Variants in COL6A1 observed in about 807,000 individuals in gnomAD.
The protein encoded by COL6A1 is collagen type VI alpha 1 chain, also known as collagen alpha-1(VI) chain.
Under a neutral mutation model 145.6 loss-of-function variants are expected in COL6A1, and 80 were observed. The ratio of observed to expected loss-of-function variants is 0.55; its 90% CI spans 0.46 to 0.66. The LOEUF (loss-of-function observed/expected upper bound fraction) is 0.66. Ranked by LOEUF, COL6A1 falls within the 30% of genes least tolerant of loss-of-function variation. The probability of loss-of-function intolerance (pLI) is 0.00; values close to 1 mark genes in which losing one functional copy is unlikely to be tolerated. For synonymous variants in COL6A1, 638 were observed against 622.8 expected, an observed-to-expected ratio of 1.02 and a Z score of -0.36; for missense variants, 1,364 against 1,473.8, an observed-to-expected ratio of 0.93 and a Z score of 1.22.
In COL6A1 at chr21:46,003,879, G is replaced by T; in HGVS notation, c.2953G>T (p.Val985Phe). 1 of 1,601,594 alleles carries T rather than the reference G, an allele frequency of 6.2e-7. No individual in the cohort carries two copies. The highest frequency in any genetic ancestry group is 1.1e-5 in the South Asian group (1 of 90,346). ...CCAGGTGAATGAGCCCCACATCCGC[G>T]TCCTGGTCACCGGCAAGACGGCCGA... ...GRQVNEPHIR[V>F]LVTGKTAEYD... is the part of the protein sequence containing the mutation. Residue 985 changes from valine (V) to phenylalanine (F), a missense_variant, in exon 35 of 35, where the codon GTC (valine) becomes TTC (phenylalanine). Val to Phe is a conservative substitution (Grantham distance 50, BLOSUM62 -1). Transcript: ENST00000361866.
chr21:46,003,299 C>T lies in COL6A1; in HGVS notation c.2465-92C>T, dbSNP rs1192558144. Reference sequence around the variant, plus strand: ...GGTGGCTGAGCACCACCGTGCCGTGCCCTCTCTGGGGAGCTTAGACGCTCT... The same window carrying T: ...GGTGGCTGAGCACCACCGTGCCGTGTCCTCTCTGGGGAGCTTAGACGCTCT... On this transcript the variant is annotated intron_variant, in intron 34 of 34. Transcript: ENST00000361866. 5 of 1,602,778 alleles carry T rather than the reference C, an allele frequency of 3.1e-6. No homozygotes were observed. The African/African-American group carries it at 5.3e-5, about 17-fold the overall frequency.
intron 15 of COL6A1, among the ~76,000 whole-genome samples, chr21:45,991,306 CT>C (rs2077775781): frequency 6.6e-6 from 1 of 152,246 alleles, no homozygotes; most frequent in Non-Finnish European, 1.5e-5. Flanking sequence ...TCCCCCGCAC[CT>C]GCCGCTCGCT....
rs764488809 is a variant in COL6A1, at chr21:45,990,291, G to A, written c.957+7G>A. The A allele has an allele frequency of 8.1e-6, 13 of 1,612,678 alleles. No individual in the cohort carries two copies. The highest frequency in any genetic ancestry group is 5.0e-5 in the Admixed American group (3 of 59,994). On this transcript the variant is annotated splice_region_variant and intron_variant, in intron 12 of 34. Coordinates refer to ENST00000361866, the MANE Select transcript of COL6A1 (RefSeq NM_001848.3). ...GGGACCCAAGGGCTACAAGGTGAGCGTGGGCTGCTGGGAGGGGGGAGTTCT... is the reference window on the plus strand; with the variant it reads ...GGGACCCAAGGGCTACAAGGTGAGCATGGGCTGCTGGGAGGGGGGAGTTCT...
chr21:45,992,742 A>G lies in COL6A1; in HGVS notation c.1273-6A>G, dbSNP rs2123475443. On this transcript the variant is annotated splice_polypyrimidine_tract_variant and splice_region_variant and intron_variant, in intron 18 of 34. Transcript: ENST00000361866. ...AGGCTTCTCCCCTCCATGTCTCTCC[A>G]CTCAGGGTGGCCCTGGAGAGAGAGG... 1 of 1,586,586 alleles carries G rather than the reference A, an allele frequency of 6.3e-7. No homozygotes were observed. Among genetic ancestry groups the G allele is most frequent in the Admixed American group, 1.8e-5 (1 of 56,220 alleles).
intron 27 of COL6A1, 121 bp downstream of exon 27, chr21:45,999,813 AAG>A (rs2077828185): frequency 2.5e-6 from 2 of 791,932 alleles, no homozygotes; most frequent in Non-Finnish European, 3.8e-6. Flanking sequence ...GTTGTGGACA[AAG>A]AGCTGGTGCC....
rs375638855 is a variant in COL6A1 at position 45,990,369 on chromosome 21, G to T, written c.958-9G>T. The T allele has an allele frequency of 6.2e-7, 1 of 1,608,674 alleles. No individual in the cohort carries two copies. The stretch of plus-strand genomic sequence containing the variant: ...ATCTGACTCCTGCCTTCGTTTTCCC[G>T]CCTCACAGGGAGAGAAGGGCAAGCG... On this transcript the variant is annotated splice_polypyrimidine_tract_variant and intron_variant, in intron 12 of 34. Coordinates refer to ENST00000361866, the MANE Select transcript of COL6A1 (RefSeq NM_001848.3).
At chr21:45,990,568 G>A (rs1473919249) in intron 13 of COL6A1, 146 bp downstream of exon 13, 23 of 749,362 alleles carry the variant, frequency 3.1e-5, no homozygotes, top group East Asian at 1.1e-4. Context: ...GGGGAGGGAC[G>A]GGGAGGGATG....
chr21:46,000,873 C>T, intron 29 of COL6A1, 106 bp downstream of exon 29: 1 of 1,383,668 alleles, frequency 7.2e-7, no homozygotes. Context: ...CTGGTCCCCG[C>T]CCGCAGCTCC....
rs183827979 is a variant in COL6A1 at position 45,995,812 on chromosome 21, C to T, written c.1398+1583C>T. Among the ~76,000 whole-genome samples the T allele has an allele frequency of 9.4e-3, 1,437 of 152,346 alleles. 22 individuals are homozygous for T. The highest frequency in any genetic ancestry group is 0.026 in the African/African-American group (1,079 of 41,582). ...TGACCCATGACTCACAGTTGCCTGG[C>T]TGAGGCAGGCACTTGTTCACCTGGA... On this transcript the variant is annotated intron_variant, in intron 20 of 34. Coordinates refer to ENST00000361866, the MANE Select transcript of COL6A1 (RefSeq NM_001848.3).
rs913736040 is a variant in COL6A1, at chr21:45,994,203, G to A, written c.1372G>A (p.Gly458Ser). The A allele has an allele frequency of 6.2e-7, 1 of 1,609,276 alleles. No homozygotes were observed. Among genetic ancestry groups the A allele is most frequent in the African/African-American group, 1.3e-5 (1 of 74,890 alleles). The change falls in exon 20 of 35, where the codon GGC becomes AGC. Residue 458 changes from glycine (G) to serine (S), a missense_variant. Physicochemically the swap from Gly to Ser is moderately conservative, Grantham distance 56. Coordinates refer to ENST00000361866, the MANE Select transcript of COL6A1 (RefSeq NM_001848.3). This position sits in a 1 kb window ranked among gnomAD's most constrained non-coding sequence, Gnocchi z 6.8. ...CCCGCAGGGTGATCAGGGAAGAGAA[G>A]GCCCCGTTGGTGTCCCTGGAGACCC... Reference protein sequence around the residue: ...AGPQGDQGREGPVGVPGDPGE... With the variant: ...AGPQGDQGRESPVGVPGDPGE...
Position 45,987,165 on chromosome 21 carries a change from T to G in COL6A1, c.728T>G (p.Val243Gly). ...DTIVDMIKNN[V>G]EQVCCSFECQ... ...CATTTCTCTTTCCAGAAAAATAACG[T>G]GGAGCAAGTGGTAAGAGCCCTCCCC... Residue 243 changes from valine to glycine, a missense_variant, in exon 6 of 35, where the codon GTG (valine) becomes GGG (glycine). Physicochemically the swap from Val to Gly is moderately radical, Grantham distance 109. This residue lies in a region of COL6A1 where 414 missense variants were observed against 437.6 expected (regional missense o/e 0.95). Coordinates refer to ENST00000361866, the MANE Select transcript of COL6A1 (RefSeq NM_001848.3). 1 of 1,597,656 alleles carries G rather than the reference T, an allele frequency of 6.3e-7. No homozygotes were observed. Among genetic ancestry groups the G allele is most frequent in the Non-Finnish European group, 8.5e-7 (1 of 1,176,756 alleles).
rs2077779409 is a variant in COL6A1, at chr21:45,991,994, C to A, written c.1120-16C>A. 6.4e-7 allele frequency: 1 copy of A among 1,568,856 alleles called. No individual in the cohort carries two copies. The highest frequency in any genetic ancestry group is 8.6e-7 in the Non-Finnish European group (1 of 1,157,662). On this transcript the variant is annotated splice_polypyrimidine_tract_variant and intron_variant, in intron 15 of 34. Coordinates refer to ENST00000361866, the MANE Select transcript of COL6A1 (RefSeq NM_001848.3). Reference sequence around the variant, plus strand: ...ACACCCCTGCCAGCGTGTGTGACTCCCCCGGTCTTCCCCAGGGCGAGCCTG... The same window carrying A: ...ACACCCCTGCCAGCGTGTGTGACTCACCCGGTCTTCCCCAGGGCGAGCCTG...
intron 3 of COL6A1, among the ~76,000 whole-genome samples, chr21:45,985,122 G>T (rs553238039): frequency 2.7e-4 from 37 of 138,892 alleles, no homozygotes; most frequent in Admixed American, 5.8e-4. Flanking sequence ...GCAGAGACAG[G>T]CAGACAGAGA....
Position 45,987,066 on chromosome 21 carries a change from C to T in COL6A1, c.711C>T (p.Asp237=). Residue 237 remains aspartate (D), a synonymous_variant, in exon 5 of 35, where the codon GAC becomes GAT. Transcript: ENST00000361866. Reference sequence around the variant, plus strand: ...GCCAGACCATCGACACCATCGTGGACATGATCGTGAGGCCCCTGCCCAGGA... The same window carrying T: ...GCCAGACCATCGACACCATCGTGGATATGATCGTGAGGCCCCTGCCCAGGA... ...AISQTIDTIV[D]MIKNNVEQVC... is the part of the protein sequence containing the mutation. 1 of 1,556,652 alleles carries T rather than the reference C, an allele frequency of 6.4e-7. No individual in the cohort carries two copies. Among genetic ancestry groups the T allele is most frequent in the Admixed American group, 1.9e-5 (1 of 51,606 alleles).
rs4818813 is a variant in COL6A1, at chr21:46,003,023, G to T, written c.2435-97G>T. The T allele has an allele frequency of 2.0e-5, 32 of 1,578,200 alleles. No individual in the cohort carries two copies. The South Asian group carries it at 3.2e-4, about 16-fold the overall frequency. ...GCTCGCTGTGACTTCCGGGGGCACG[G>T]CCACCCCTGTGCTCGGCCGGGAGGT... is the stretch of plus-strand genomic sequence containing the variant. On this transcript the variant is annotated intron_variant, in intron 33 of 34. Coordinates refer to ENST00000361866, the MANE Select transcript of COL6A1 (RefSeq NM_001848.3).
At chr21:46,003,011 TC>T (rs1187828300) in intron 33 of COL6A1, 108 bp from the exon 34 acceptor site, 14 of 1,530,396 alleles carry the variant, frequency 9.1e-6, no homozygotes, top group Admixed American at 1.7e-5. Flanking sequence ...CGCTGTGACT[TC>T]CGGGGGCACG....
chr21:45,987,347 T>C, intron 6 of COL6A1, 152 bp from the exon 7 acceptor site: 2 of 1,458,392 alleles, frequency 1.4e-6, no homozygotes, highest in Non-Finnish European at 1.9e-6. Flanking sequence ...CGTGTCCACC[T>C]GTGTGTCTGC....
intron 20 of COL6A1, among the ~76,000 whole-genome samples, chr21:45,995,984 C>A (rs2077802873): frequency 6.6e-6 from 1 of 152,250 alleles, no homozygotes; most frequent in East Asian, 1.9e-4. Flanking sequence ...AGCCTTACCC[C>A]TCCCCTCCAC....
At chr21:45,993,136 G>A (rs894063151) in intron 19 of COL6A1, among the ~76,000 whole-genome samples, 1 of 152,264 alleles carries the variant, frequency 6.6e-6, no homozygotes, top group African/African-American at 2.4e-5. Flanking sequence ...GCGTGAGGAA[G>A]TTGGGTCAGT....
Sources: gnomAD v4.1 joint callset for allele counts (sites outside exome capture counted in the v4.1 genomes callset) on GRCh38, gnomAD v4.1.1 for gene constraint, gnomAD v4.1.1 regional missense constraint, Gnocchi (gnomAD v3.1) non-coding constraint, MANE v1.5 for transcripts, NCBI Gene and HGNC (gene_info 2026-07-23, HGNC 2026-07-21) for gene names.